Variants in PTER observed in about 807,000 individuals in gnomAD.
The protein encoded by PTER is phosphotriesterase related.
A neutral mutation model predicts 29.6 loss-of-function variants in PTER; 38 were observed. The ratio of observed to expected loss-of-function variants is 1.28; its 90% CI spans 0.99 to 1.68. The LOEUF is 1.68. Ranked by LOEUF, PTER falls within the 40% of genes most tolerant of loss-of-function variation. The probability of loss-of-function intolerance (pLI) is 0.00; values close to 1 mark genes in which losing one functional copy is unlikely to be tolerated. For missense variants in PTER, 482 were observed against 427.8 expected (o/e 1.13, Z -1.12); for synonymous variants, 172 against 154.5 (o/e 1.11, Z -0.84).
rs1214090481 is a variant in PTER at position 16,476,901 on chromosome 10, C to CTCTCTCTCTTTTTT, written c.-48-7435_-48-7434insCTCTCTCTTTTTTT. Among the ~76,000 whole-genome samples the CTCTCTCTCTTTTTT allele has an allele frequency of 1.5e-4, 15 of 100,368 alleles. 1 individual carries two copies. Among genetic ancestry groups the CTCTCTCTCTTTTTT allele is most frequent in the African/African-American group, 6.7e-4 (15 of 22,354 alleles). The allele number at this position is 100,368 out of a possible 152,430, so 65.8% of individuals were successfully genotyped here. ...CAAACCACCCCTCCATCCTAGAATT[C>CTCTCTCTCTTTTTT]TTTTTTTTTTTTTTTTTTTTTTGAG... On this transcript the variant is annotated intron_variant, in intron 1 of 4. Coordinates refer to ENST00000535784, the MANE Select transcript of PTER (RefSeq NM_001261836.2).
At chr10:16,462,889 A>G (rs980855476) in intron 1 of PTER, among the ~76,000 whole-genome samples, 4 of 151,518 alleles carry the variant, frequency 2.6e-5, no homozygotes, top group African/African-American at 4.8e-5. Flanking sequence ...TACTCTTAAC[A>G]TTACCTCCTT....
chr10:16,472,863 A>G (rs1362880728), intron 1 of PTER, among the ~76,000 whole-genome samples: 1 of 152,166 alleles, frequency 6.6e-6, no homozygotes, highest in African/African-American at 2.4e-5. Flanking sequence ...TTATGTATGT[A>G]GCTTCTATTC....
intron 1 of PTER, among the ~76,000 whole-genome samples, chr10:16,467,424 A>G (rs1458208034): frequency 1.3e-5 from 2 of 152,168 alleles, no homozygotes; most frequent in African/African-American, 2.4e-5. Context: ...AGAGGGCACT[A>G]CTGTGGATAG....
intron 1 of PTER, among the ~76,000 whole-genome samples, chr10:16,438,165 A>G (rs1833719006): frequency 8.1e-6 from 1 of 123,156 alleles, no homozygotes; most frequent in South Asian, 2.8e-4. Flanking sequence ...TCCACCACAC[A>G]CAGCTAATTT....
intron 1 of PTER, among the ~76,000 whole-genome samples, chr10:16,469,056 T>A (rs1834949847): frequency 6.6e-6 from 1 of 152,032 alleles, no homozygotes; most frequent in Non-Finnish European, 1.5e-5. Flanking sequence ...GTACCTAGAA[T>A]TGACATCTTA....
chr10:16,513,777 A>T (rs1041867323), downstream of PTER: 7 of 152,644 alleles, frequency 4.6e-5, no homozygotes, highest in African/African-American at 1.7e-4. Flanking sequence ...AAATGGACAC[A>T]TAAGGGCTTT....
chr10:16,493,255 A>G (rs936617986), intron 3 of PTER, among the ~76,000 whole-genome samples: 25 of 152,232 alleles, frequency 1.6e-4, no homozygotes, highest in African/African-American at 6.0e-4. Context: ...GAAGTCATTC[A>G]AAAACAATTC....
chr10:16,461,161 T>C (rs1834600057), intron 1 of PTER, among the ~76,000 whole-genome samples: 1 of 152,180 alleles, frequency 6.6e-6, no homozygotes, highest in African/African-American at 2.4e-5. Context: ...TGATTTTCTG[T>C]GAATTCTTAG....
chr10:16,493,566 G>A (rs1212738161), intron 3 of PTER, among the ~76,000 whole-genome samples: 1 of 152,032 alleles, frequency 6.6e-6, no homozygotes, highest in Non-Finnish European at 1.5e-5. Flanking sequence ...CACTGAGCCG[G>A]CCAGAAAAAT....
intron 1 of PTER, among the ~76,000 whole-genome samples, chr10:16,463,770 A>G (rs1834710464): frequency 1.3e-5 from 2 of 152,150 alleles, no homozygotes; most frequent in African/African-American, 2.4e-5. Flanking sequence ...GTGTTGGTCG[A>G]CGCCCAAAGG....
intron 1 of PTER, among the ~76,000 whole-genome samples, chr10:16,479,669 T>C (rs1026356632): frequency 4.6e-5 from 7 of 152,248 alleles, no homozygotes; most frequent in Admixed American, 3.3e-4. Context: ...GATACTTTTA[T>C]AGTACCAGCA....
At chr10:16,453,300 A>G (rs1834279940) in intron 1 of PTER, among the ~76,000 whole-genome samples, 1 of 152,194 alleles carries the variant, frequency 6.6e-6, no homozygotes. Flanking sequence ...AAATTTTCAG[A>G]GTAGTTTCTG....
chr10:16,483,277 C>T (rs183636956), intron 1 of PTER, among the ~76,000 whole-genome samples: 231 of 152,270 alleles, frequency 1.5e-3, no homozygotes, highest in Non-Finnish European at 2.7e-3. Flanking sequence ...AAATCACAAT[C>T]GCTTTCATTA....
At chr10:16,450,303 C>CA (rs1249029099) in intron 1 of PTER, among the ~76,000 whole-genome samples, 1 of 152,118 alleles carries the variant, frequency 6.6e-6, no homozygotes, top group Non-Finnish European at 1.5e-5. Context: ...GAGAGGCCAT[C>CA]ACTGTTGCCT....
chr10:16,470,270 T>C (rs984317789), intron 1 of PTER, among the ~76,000 whole-genome samples: 2 of 152,208 alleles, frequency 1.3e-5, no homozygotes, highest in African/African-American at 4.8e-5. Flanking sequence ...CAACACATAG[T>C]AGAAGCTTAG....
At chr10:16,488,501 G>C (rs375861071) in intron 3 of PTER, among the ~76,000 whole-genome samples, 16 of 151,920 alleles carry the variant, frequency 1.1e-4, no homozygotes, top group African/African-American at 3.9e-4. Context: ...GCATTCTGCA[G>C]TTATTATACA....
intron 3 of PTER, among the ~76,000 whole-genome samples, chr10:16,502,554 G>C (rs559692074): frequency 1.3e-5 from 2 of 152,060 alleles, no homozygotes; most frequent in African/African-American, 4.8e-5. Context: ...TGCTAATTTG[G>C]TGAATAAATG....
chr10:16,481,689 C>T (rs1835486095), intron 1 of PTER, among the ~76,000 whole-genome samples: 1 of 152,042 alleles, frequency 6.6e-6, no homozygotes. Context: ...GAGCTTGAAA[C>T]GTACCAACAT....
intron 1 of PTER, among the ~76,000 whole-genome samples, chr10:16,476,977 C>G (rs1409028770): frequency 6.9e-6 from 1 of 144,706 alleles, no homozygotes; most frequent in African/African-American, 2.6e-5. Flanking sequence ...GTGATTTGGG[C>G]TCACTGCAGC....
Sources: allele counts gnomAD v4.1 joint callset (sites outside exome capture counted in the v4.1 genomes callset), GRCh38; gene constraint gnomAD v4.1.1; transcripts MANE v1.5; gene names NCBI Gene and HGNC (gene_info 2026-07-23, HGNC 2026-07-21).